Variants in CDCA7L observed in about 807,000 individuals in gnomAD.
CDCA7L encodes the protein cell division cycle associated 7 like.
A neutral mutation model predicts 57.4 loss-of-function variants in CDCA7L; 44 were observed. The ratio of observed to expected loss-of-function variants is 0.77; its 90% CI spans 0.60 to 0.98. The LOEUF (loss-of-function observed/expected upper bound fraction) is 0.98, where lower values mean the gene tolerates loss of function less well. CDCA7L is among the 50% of genes least tolerant of loss of function. The pLI, the probability that CDCA7L is intolerant of heterozygous loss-of-function variation, is 0.00. For missense variants in CDCA7L, 644 were observed against 580.6 expected (o/e 1.11, Z -1.12); for synonymous variants, 236 against 202.8 (o/e 1.16, Z -1.39).
At chr7:21,924,867 A>G (rs1264305222) in intron 1 of CDCA7L, among the ~76,000 whole-genome samples, 1 of 152,212 alleles carries the variant, frequency 6.6e-6, no homozygotes, top group Non-Finnish European at 1.5e-5. Flanking sequence ...CAGAAAATAT[A>G]AAGAATTCTC....
chr7:21,926,923 G>A (rs926703334), intron 1 of CDCA7L, among the ~76,000 whole-genome samples: 5 of 151,968 alleles, frequency 3.3e-5, no homozygotes, highest in African/African-American at 1.2e-4. Flanking sequence ...AGAAGCCATG[G>A]GGAGTGGAAA....
intron 7 of CDCA7L, 88 bp downstream of exon 7, chr7:21,905,418 T>C (rs570450053): frequency 7.0e-7 from 1 of 1,426,162 alleles, no homozygotes; most frequent in East Asian, 2.3e-5. Context: ...TGAGATGGCA[T>C]AAGCCCTGAT....
intron 1 of CDCA7L, among the ~76,000 whole-genome samples, chr7:21,934,572 C>T (rs1026776061): frequency 1.3e-5 from 2 of 152,100 alleles, no homozygotes; most frequent in African/African-American, 4.8e-5. Flanking sequence ...TAATTCCCCA[C>T]CAGTAATTAC....
In CDCA7L at chr7:21,913,485, G is replaced by A. The variant is rs1458954973; in HGVS notation, c.166-1731C>T. 5.3e-5 allele frequency among the ~76,000 whole-genome samples: 8 copies of A among 152,326 alleles called. No individual in the cohort carries two copies. In the East Asian group the frequency reaches 7.7e-4, roughly 15 times the overall value. On this transcript the variant is annotated intron_variant, in intron 2 of 9. Coordinates refer to ENST00000406877, the MANE Select transcript of CDCA7L (RefSeq NM_018719.5). The stretch of plus-strand genomic sequence containing the variant: ...AAATGGATCATGAGCCTGTGGGGTC[G>A]GGGTAGAGAAGCAGCCAGGGCTTGA...
intron 2 of CDCA7L, among the ~76,000 whole-genome samples, chr7:21,916,126 G>A (rs111308941): frequency 0.045 from 6,921 of 152,176 alleles, 190 homozygotes; most frequent in South Asian, 0.09. Context: ...TTTTGGAGAG[G>A]CCATGGTCAA....
At chr7:21,911,905 A>C (rs1785341181) in intron 2 of CDCA7L, 151 bp from the exon 3 acceptor site, 1 of 586,812 alleles carries the variant, frequency 1.7e-6, no homozygotes, top group Admixed American at 3.4e-5. Context: ...TAATGCACTG[A>C]ACTGTACACA....
At chr7:21,927,339 G>C (rs1785860568) in intron 1 of CDCA7L, among the ~76,000 whole-genome samples, 1 of 152,098 alleles carries the variant, frequency 6.6e-6, no homozygotes, top group Non-Finnish European at 1.5e-5. Flanking sequence ...GACTCCAACA[G>C]AAATTATGGA....
intron 8 of CDCA7L, 89 bp downstream of exon 8, chr7:21,904,021 T>C: frequency 7.7e-7 from 1 of 1,302,256 alleles, no homozygotes; most frequent in Non-Finnish European, 1.0e-6. Flanking sequence ...TGGAGCTCCC[T>C]AGTTCCCAGT....
intron 2 of CDCA7L, among the ~76,000 whole-genome samples, 188 bp downstream of exon 2, chr7:21,916,566 C>G (rs1785488333): frequency 6.9e-6 from 1 of 145,518 alleles, no homozygotes; most frequent in East Asian, 2.0e-4. Flanking sequence ...AGGATTAACA[C>G]AGCAAAGTGA....
intron 1 of CDCA7L, among the ~76,000 whole-genome samples, chr7:21,944,276 TAAA>T (rs34883298): frequency 8.9e-5 from 12 of 135,350 alleles, no homozygotes; most frequent in Admixed American, 3.0e-4. Context: ...CTGTCTCTAC[TAAA>T]AAAAAAAAAA....
chr7:21,909,368 CTT>C (rs1205532208), intron 3 of CDCA7L, among the ~76,000 whole-genome samples: 4 of 152,076 alleles, frequency 2.6e-5, no homozygotes, highest in Non-Finnish European at 5.9e-5. Context: ...AGCTAGAAAA[CTT>C]TGGGAACCAT....
chr7:21,902,334 T>C lies in CDCA7L; in HGVS notation c.1353A>G (p.Val451=), dbSNP rs1562617557. The C allele has an allele frequency of 7.4e-6, 12 of 1,613,960 alleles. No individual in the cohort carries two copies. The highest frequency in any genetic ancestry group is 9.3e-6 in the Non-Finnish European group (11 of 1,179,800). The change falls in exon 10 of 10, where the codon GTA becomes GTG. Residue 451 remains valine, a synonymous_variant. Transcript: ENST00000406877. The part of the protein sequence containing the change: ...EYLESLQKEL[V]EDN ...GTTTGTTTTCCTCTTAATTGTCTTCTACCAGCTCCTTTTGTAAGCTGGGAA... is the reference window on the plus strand; with the variant it reads ...GTTTGTTTTCCTCTTAATTGTCTTCCACCAGCTCCTTTTGTAAGCTGGGAA...
In CDCA7L at chr7:21,944,449, C is replaced by CAA. The variant is rs59373889; in HGVS notation, c.24+1330_24+1331dup. On this transcript the variant is annotated intron_variant, in intron 1 of 9. Coordinates refer to ENST00000406877, the MANE Select transcript of CDCA7L (RefSeq NM_018719.5). Reference sequence around the variant, plus strand: ...CCGGACAAGAGCGAAACTCCGTCTCCAAAAAAAAAAAAAAAAAAAAAAGGA... The same window carrying CAA: ...CCGGACAAGAGCGAAACTCCGTCTCCAAAAAAAAAAAAAAAAAAAAAAAAGGA... Among the ~76,000 whole-genome samples the CAA allele has an allele frequency of 7.3e-3, 451 of 61,392 alleles. 6 individuals are homozygous for CAA. The highest frequency in any genetic ancestry group is 0.016 in the East Asian group (24 of 1,522). 40.3% of individuals were successfully genotyped at this position (61,392 alleles called of 152,430 possible). A position where few individuals can be genotyped will look rare whatever the true frequency, so the allele number is the denominator to read the frequency against.
chr7:21,911,825 G>A, intron 2 of CDCA7L, 71 bp from the exon 3 acceptor site: 1 of 1,456,716 alleles, frequency 6.9e-7, no homozygotes, highest in Non-Finnish European at 9.3e-7. Flanking sequence ...GTAGAATGAG[G>A]AGCTACTGAA....
At chr7:21,941,007 T>G (rs1344508467) in intron 1 of CDCA7L, among the ~76,000 whole-genome samples, 1 of 152,186 alleles carries the variant, frequency 6.6e-6, no homozygotes, top group Non-Finnish European at 1.5e-5. Context: ...AAAACTGCTT[T>G]CTTTCAGCTA....
At chr7:21,907,010 G>A (rs1408709394) in intron 4 of CDCA7L, among the ~76,000 whole-genome samples, 1 of 152,038 alleles carries the variant, frequency 6.6e-6, no homozygotes, top group African/African-American at 2.4e-5. Flanking sequence ...CAAGTTTCAG[G>A]ATGTTCAAAA....
At position 21,903,120 on chromosome 7, in the gene CDCA7L, A is replaced by AGAGAG; in HGVS notation, c.1198-11_1198-7dup. ...CAGGGGGGACACACCCAATCCTAAC[A>AGAGAG]GAGAGATGACAGCAGACACTTCGCT... On this transcript the variant is annotated splice_polypyrimidine_tract_variant and splice_region_variant and intron_variant, in intron 8 of 9. Transcript: ENST00000406877. 6.2e-7 allele frequency: 1 copy of AGAGAG among 1,612,660 alleles called. No individual in the cohort carries two copies. The highest frequency in any genetic ancestry group is 8.5e-7 in the Non-Finnish European group (1 of 1,179,528).
intron 1 of CDCA7L, among the ~76,000 whole-genome samples, chr7:21,922,078 C>G (rs975813532): frequency 6.6e-6 from 1 of 152,080 alleles, no homozygotes; most frequent in Admixed American, 6.5e-5. Context: ...TAGCCATTTT[C>G]TTAAGAAAGG....
At chr7:21,902,588 TAA>T in intron 9 of CDCA7L, 1 of 453,428 alleles carries the variant, frequency 2.2e-6, no homozygotes, top group South Asian at 2.8e-5. Context: ...ATTAATTACA[TAA>T]ATGAAACTTG....
Sources: allele counts gnomAD v4.1 joint callset (sites outside exome capture counted in the v4.1 genomes callset), GRCh38; gene constraint gnomAD v4.1.1; transcripts MANE v1.5; gene names NCBI Gene and HGNC (gene_info 2026-07-23, HGNC 2026-07-21).